The following C8orf34 variants were observed in gnomAD, a reference collection of about 807,000 sequenced individuals.
C8orf34 encodes uncharacterized protein C8orf34.
Under a neutral mutation model 68.3 loss-of-function variants are expected in C8orf34, and 65 were observed. That is an observed-to-expected ratio of 0.95 (90% CI 0.78 to 1.17). The LOEUF (loss-of-function observed/expected upper bound fraction) is 1.17. C8orf34 is among the 50% of genes most tolerant of loss of function. The pLI, the probability that C8orf34 is intolerant of heterozygous loss-of-function variation, is 0.00. For missense variants in C8orf34, 664 were observed against 655.4 expected, an observed-to-expected ratio of 1.01 and a Z score of -0.14; for synonymous variants, 244 against 241.2, an observed-to-expected ratio of 1.01 and a Z score of -0.11.
rs551812486 is a variant in C8orf34, at chr8:68,414,620, C to T, written c.328-24879C>T. Among the ~76,000 whole-genome samples, 50 of 152,186 alleles carry T rather than the reference C, an allele frequency of 3.3e-4. No homozygotes were observed. The South Asian group carries it at 0.01, about 32-fold the overall frequency. On this transcript the variant is annotated intron_variant, in intron 1 of 13. Coordinates refer to ENST00000518698, the MANE Select transcript of C8orf34 (RefSeq NM_052958.4). ...AGATGTCTAAGACATGCTTCCTGAC[C>T]TCAAGAACTCCTCAGAGAACTGCAC...
chr8:68,467,760 T>C (rs754924541), intron 3 of C8orf34, among the ~76,000 whole-genome samples: 3 of 152,002 alleles, frequency 2.0e-5, no homozygotes, highest in Non-Finnish European at 2.9e-5. Context: ...CCTAGTTGGG[T>C]ATACAGTTCT....
intron 7 of C8orf34, among the ~76,000 whole-genome samples, chr8:68,540,149 C>T (rs910295523): frequency 6.6e-6 from 1 of 151,436 alleles, no homozygotes; most frequent in Non-Finnish European, 1.5e-5. Context: ...TTTTAAATTG[C>T]TCTGAAACTA....
chr8:68,442,756 C>T (rs762148964), intron 2 of C8orf34, among the ~76,000 whole-genome samples: 1 of 152,092 alleles, frequency 6.6e-6, no homozygotes, highest in Non-Finnish European at 1.5e-5. Flanking sequence ...ATCAGGGAAA[C>T]GAAGCTCTTC....
At chr8:68,352,096 C>T (rs559637537) in intron 1 of C8orf34, among the ~76,000 whole-genome samples, 1 of 151,760 alleles carries the variant, frequency 6.6e-6, no homozygotes, top group African/African-American at 2.4e-5. Flanking sequence ...AATAACATTC[C>T]TTTCTCAGAT....
chr8:68,589,091 G>A (rs937003203), intron 7 of C8orf34, among the ~76,000 whole-genome samples: 1 of 152,092 alleles, frequency 6.6e-6, no homozygotes, highest in Non-Finnish European at 1.5e-5. Flanking sequence ...AACAGCAAAC[G>A]GCCAGGCACA....
chr8:68,530,584 G>A (rs56048834), intron 6 of C8orf34: 84,771 of 1,235,296 alleles, frequency 0.069, 3,158 homozygotes, highest in Middle Eastern at 0.1. Flanking sequence ...TTGTTACATT[G>A]TTTCTCAGTT....
intron 7 of C8orf34, among the ~76,000 whole-genome samples, chr8:68,555,409 T>G (rs189761119): frequency 6.6e-6 from 1 of 152,226 alleles, no homozygotes; most frequent in African/African-American, 2.4e-5. Context: ...TTCTTTTATC[T>G]TTTACCCTGG....
intron 3 of C8orf34, among the ~76,000 whole-genome samples, chr8:68,448,473 C>T (rs558197224): frequency 2.6e-5 from 4 of 152,114 alleles, no homozygotes; most frequent in South Asian, 4.1e-4. Context: ...TATCTCTGTA[C>T]GTAGATTGTG....
At chr8:68,498,546 T>C (rs973142011) in intron 5 of C8orf34, among the ~76,000 whole-genome samples, 1 of 152,182 alleles carries the variant, frequency 6.6e-6, no homozygotes, top group Non-Finnish European at 1.5e-5. Flanking sequence ...AAAGTGTTTT[T>C]AGTAATCGTG....
chr8:68,812,461 T>C (rs1210923659), intron 12 of C8orf34, among the ~76,000 whole-genome samples: 2 of 152,136 alleles, frequency 1.3e-5, no homozygotes, highest in Non-Finnish European at 2.9e-5. Context: ...TTTCTTGTGT[T>C]CTTAGACATA....
chr8:68,547,741 C>A (rs1177289003), intron 7 of C8orf34, among the ~76,000 whole-genome samples: 1 of 151,418 alleles, frequency 6.6e-6, no homozygotes, highest in Non-Finnish European at 1.5e-5. Flanking sequence ...CTTGAATGGC[C>A]AAAATCATCT....
At chr8:68,672,007 A>G (rs898458897) in intron 8 of C8orf34, among the ~76,000 whole-genome samples, 1 of 152,214 alleles carries the variant, frequency 6.6e-6, no homozygotes, top group Admixed American at 6.5e-5. Context: ...TAACAAGAGG[A>G]AAAAACCAAA....
At chr8:68,364,931 C>T (rs930883487) in intron 1 of C8orf34, among the ~76,000 whole-genome samples, 12 of 151,714 alleles carry the variant, frequency 7.9e-5, no homozygotes, top group African/African-American at 2.7e-4. Context: ...CACAAAAAAC[C>T]CTTCAAAAAA....
chr8:68,574,765 G>A (rs1816854056), intron 7 of C8orf34, among the ~76,000 whole-genome samples: 1 of 151,868 alleles, frequency 6.6e-6, no homozygotes, highest in Admixed American at 6.6e-5. Context: ...AGATTTTATA[G>A]CTTTATTTGT....
At chr8:68,461,730 C>T (rs1811837409) in intron 3 of C8orf34, among the ~76,000 whole-genome samples, 1 of 152,154 alleles carries the variant, frequency 6.6e-6, no homozygotes, top group African/African-American at 2.4e-5. Flanking sequence ...CCTTTACAGA[C>T]AAGCAAATGC....
chr8:68,817,738 G>A (rs541218347), intron 13 of C8orf34, among the ~76,000 whole-genome samples: 2 of 152,166 alleles, frequency 1.3e-5, no homozygotes, highest in East Asian at 3.9e-4. Flanking sequence ...AGAGGTTTAA[G>A]TGCCTCACAG....
At chr8:68,616,488 T>C (rs1325872218) in intron 7 of C8orf34, among the ~76,000 whole-genome samples, 2 of 152,236 alleles carry the variant, frequency 1.3e-5, no homozygotes, top group Non-Finnish European at 2.9e-5. Context: ...TGGCATGTTG[T>C]GTCTTTGTCC....
At position 68,673,851 on chromosome 8, in the gene C8orf34, G is replaced by A. The variant is rs867998168; in HGVS notation, c.1241+33340G>A. ...CAAGACCTAGGGCTGTAGTGGTTTCGTCTGACTCGGCACAGTCCCAGCTGT... is the reference window on the plus strand; with the variant it reads ...CAAGACCTAGGGCTGTAGTGGTTTCATCTGACTCGGCACAGTCCCAGCTGT... On this transcript the variant is annotated intron_variant, in intron 8 of 13. Transcript: ENST00000518698. 5.9e-4 allele frequency among the ~76,000 whole-genome samples: 90 copies of A among 152,286 alleles called. 1 individual carries two copies. Among genetic ancestry groups the A allele is most frequent in the East Asian group, 2.5e-3 (13 of 5,158 alleles).
At chr8:68,630,967 TA>T (rs1554588219) in intron 7 of C8orf34, among the ~76,000 whole-genome samples, 387 of 137,190 alleles carry the variant, frequency 2.8e-3, no homozygotes, top group African/African-American at 0.01. Context: ...TTTTTTTTTT[TA>T]AAAAACAGGG....
Sources: allele counts gnomAD v4.1 joint callset (sites outside exome capture counted in the v4.1 genomes callset), GRCh38; gene constraint gnomAD v4.1.1; transcripts MANE v1.5; gene names NCBI Gene and HGNC (gene_info 2026-07-23, HGNC 2026-07-21).